Variants in DNM1 observed in about 807,000 individuals in gnomAD.
The protein encoded by DNM1 is dynamin-1.
In DNM1, 29 loss-of-function variants were observed where a neutral mutation model predicts 104.6. The observed-to-expected ratio is 0.28, with a 90% CI of 0.21 to 0.38. The LOEUF is 0.38. Ranked by LOEUF, DNM1 falls within the 10% of genes least tolerant of loss-of-function variation. The probability of loss-of-function intolerance (pLI) is 1.00; values close to 1 mark genes in which losing one functional copy is unlikely to be tolerated. For missense variants in DNM1, 640 were observed against 1,189.4 expected (o/e 0.54, Z 6.79); for synonymous variants, 445 against 475.8 (o/e 0.94, Z 0.84).
chr9:128,231,968 A>G (rs1320553258), intron 10 of DNM1: 1 of 456,316 alleles, frequency 2.2e-6, no homozygotes, highest in South Asian at 1.5e-5. Flanking sequence ...CTGAGAGGGG[A>G]ACGTTCCTTT....
chr9:128,219,355 A>T, intron 4 of DNM1, 103 bp downstream of exon 4: 1 of 1,051,880 alleles, frequency 9.5e-7, no homozygotes, highest in South Asian at 1.4e-5. Context: ...TAGCGGTGGG[A>T]TCAGATTTGT....
At chr9:128,239,630 T>G in intron 12 of DNM1, 98 bp from the exon 13 acceptor site, 1 of 1,334,038 alleles carries the variant, frequency 7.5e-7, no homozygotes, top group Non-Finnish European at 1.1e-6. Flanking sequence ...AGCCCAGGTC[T>G]GCTAGGTTAA....
rs1835188608 is a variant in DNM1 at position 128,224,078 on chromosome 9, C to T, written c.1197-173C>T. 1 of 762,884 alleles carries T rather than the reference C, an allele frequency of 1.3e-6. No individual in the cohort carries two copies. Among genetic ancestry groups the T allele is most frequent in the Non-Finnish European group, 2.0e-6 (1 of 507,978 alleles). 47.3% of individuals were successfully genotyped at this position (762,884 alleles called of 1,614,324 possible). A position where few individuals can be genotyped will look rare whatever the true frequency, so the allele number is the denominator to read the frequency against. Reference sequence around the variant, plus strand: ...AAAATAACAACAACAACAAAAAACCCTTCATTAGAACCCCTCCCTCCCATT... The same window carrying T: ...AAAATAACAACAACAACAAAAAACCTTTCATTAGAACCCCTCCCTCCCATT... On this transcript the variant is annotated intron_variant, in intron 9 of 21. Coordinates refer to ENST00000372923, the MANE Select transcript of DNM1 (RefSeq NM_004408.4). This position sits in a 1 kb window ranked among gnomAD's most constrained non-coding sequence, Gnocchi z 4.3.
chr9:128,223,633 T>C (rs1377919894), intron 9 of DNM1: 1 of 152,270 alleles, frequency 6.6e-6, no homozygotes, highest in African/African-American at 2.4e-5. Context: ...AAGGCTCTTA[T>C]GGAGAACCAC....
chr9:128,221,569 C>A (rs1835022659), intron 6 of DNM1, among the ~76,000 whole-genome samples: 1 of 152,126 alleles, frequency 6.6e-6, no homozygotes, highest in Non-Finnish European at 1.5e-5. Context: ...AGGGGCAGCC[C>A]TCTGGCCACC....
At chr9:128,214,799 G>T (rs927506375) in intron 1 of DNM1, among the ~76,000 whole-genome samples, 1 of 152,208 alleles carries the variant, frequency 6.6e-6, no homozygotes, top group Non-Finnish European at 1.5e-5. Flanking sequence ...CCCCTCCCAC[G>T]CTGGGCACAG....
rs781036543 is a variant in DNM1 at position 128,222,362 on chromosome 9, C to T, written c.992+23C>T. 19 of 1,609,416 alleles carry T rather than the reference C, an allele frequency of 1.2e-5. No homozygotes were observed. The highest frequency in any genetic ancestry group is 1.7e-4 in the Middle Eastern group (1 of 6,030). On this transcript the variant is annotated intron_variant, in intron 7 of 21. Transcript: ENST00000372923. The surrounding 1 kb of genome is among the most constrained non-coding windows in gnomAD (Gnocchi z 7.8). ...GCAGTGAGGCTCCCCCAGCTCCTAT[C>T]ACTGAATCCCCGCCCCCAGCCTCTC...
intron 10 of DNM1, among the ~76,000 whole-genome samples, chr9:128,228,577 A>T (rs1412523783): frequency 2.0e-5 from 3 of 152,242 alleles, no homozygotes; most frequent in Admixed American, 1.3e-4. Flanking sequence ...TTAAATGTTT[A>T]TATCTAGTAA....
chr9:128,231,954 A>G, intron 10 of DNM1: 1 of 455,698 alleles, frequency 2.2e-6, no homozygotes, highest in Non-Finnish European at 4.4e-6. Flanking sequence ...CCCTCAGCCA[A>G]GGGCTGAGAG....
At chr9:128,233,850 G>A (rs1199622762) in intron 10 of DNM1, 171 bp from the exon 11 acceptor site, 4 of 613,748 alleles carry the variant, frequency 6.5e-6, no homozygotes, top group African/African-American at 1.9e-5. Context: ...AGGGGTGGCC[G>A]TGGCTTGGTG....
intron 10 of DNM1, among the ~76,000 whole-genome samples, chr9:128,230,433 C>A (rs3003577): frequency 0.8 from 119,383 of 148,892 alleles, 47,988 homozygotes; most frequent in East Asian, 1. Flanking sequence ...TTATTTATTT[C>A]TTTATTTATT....
intron 1 of DNM1, among the ~76,000 whole-genome samples, chr9:128,207,379 G>A (rs1287603286): frequency 6.6e-6 from 1 of 151,840 alleles, no homozygotes; most frequent in Non-Finnish European, 1.5e-5. Flanking sequence ...TGTAGATGGG[G>A]GAGTGTTTGT....
At chr9:128,237,412 C>A (rs1342488453) in intron 11 of DNM1, among the ~76,000 whole-genome samples, 1 of 152,060 alleles carries the variant, frequency 6.6e-6, no homozygotes, top group Non-Finnish European at 1.5e-5. Context: ...CAGGTGCATG[C>A]CACCATGCCC....
In DNM1 at chr9:128,253,756, GAC is replaced by G; in HGVS notation, c.2535-892_2535-891del. On this transcript the variant is annotated intron_variant, in intron 21 of 21. Transcript: ENST00000372923. This position sits in a 1 kb window ranked among gnomAD's most constrained non-coding sequence, Gnocchi z 5.9. ...CGACATACCTCACAGGCCAGGCAGG[GAC>G]ACACAGCCCCCTTCCCTCCCTCCCA... The G allele has an allele frequency of 2.6e-6, 1 of 391,450 alleles. No individual in the cohort carries two copies. The allele number at this position is 391,450 out of a possible 1,614,324, so 24.2% of individuals were successfully genotyped here. A position where few individuals can be genotyped will look rare whatever the true frequency, so the allele number is the denominator to read the frequency against.
rs762553379 is a variant in DNM1, at chr9:128,234,093, C to T, written c.1408C>T (p.Arg470Cys). 10 of 1,564,638 alleles carry T rather than the reference C, an allele frequency of 6.4e-6. No individual in the cohort carries two copies. Among genetic ancestry groups the T allele is most frequent in the Admixed American group, 1.9e-5 (1 of 53,302 alleles). ...VTTHIREREG[R>C]TKEQVMLLID... ...CACCCACATCCGGGAGCGCGAGGGC[C>T]GCACTAAGGAGCAGGTGAGCCCCGC... The change falls in exon 11 of 22, where the codon CGC becomes TGC. Residue 470 changes from arginine to cysteine, a missense_variant. By Grantham distance (180) the Arg-to-Cys change is radical. Transcript: ENST00000372923.
chr9:128,209,277 C>G (rs1421536987), intron 1 of DNM1, among the ~76,000 whole-genome samples: 1 of 152,152 alleles, frequency 6.6e-6, no homozygotes, highest in Non-Finnish European at 1.5e-5. Flanking sequence ...CCCAGAGGAG[C>G]TGGGAGTGAA....
Position 128,248,560 on chromosome 9 carries a change from T to C in DNM1, c.1906-23T>C. 1.2e-6 allele frequency: 2 copies of C among 1,606,072 alleles called. No homozygotes were observed. The highest frequency in any genetic ancestry group is 1.3e-5 in the African/African-American group (1 of 74,908). On this transcript the variant is annotated intron_variant, in intron 18 of 21. Transcript: ENST00000372923. The surrounding 1 kb of genome is among the most constrained non-coding windows in gnomAD (Gnocchi z 5.6). ...CTGGCTGCATGGCCTGGCCACCTGA[T>C]GCCCTTGTGTTCTCCATGGCAGGCC...
rs1023683986 is a variant in DNM1, at chr9:128,224,834, A to G, written c.1335+445A>G. ...GCCTGGGTGGCCAGAGGGGGTGCAG[A>G]GGACCCAGGACTAGCAGGTGCCCTG... On this transcript the variant is annotated intron_variant, in intron 10 of 21. Coordinates refer to ENST00000372923, the MANE Select transcript of DNM1 (RefSeq NM_004408.4). This position sits in a 1 kb window ranked among gnomAD's most constrained non-coding sequence, Gnocchi z 4.3. Among the ~76,000 whole-genome samples, 2 of 152,118 alleles carry G rather than the reference A, an allele frequency of 1.3e-5. No individual in the cohort carries two copies. The highest frequency in any genetic ancestry group is 2.4e-5 in the African/African-American group (1 of 41,398).
At position 128,254,434 on chromosome 9, in the gene DNM1, GCTAT is replaced by G. The variant is rs1829723528; in HGVS notation, c.2535-217_2535-214del. ...GGGAGGGCCGCCACAGCCCCCAGGCGCTATCTGTGAAGCTACGGCTCCTCCCTCC... is the reference window on the plus strand; with the variant it reads ...GGGAGGGCCGCCACAGCCCCCAGGCGCTGTGAAGCTACGGCTCCTCCCTCC... On this transcript the variant is annotated intron_variant, in intron 21 of 21. Transcript: ENST00000372923. This position sits in a 1 kb window ranked among gnomAD's most constrained non-coding sequence, Gnocchi z 6.1. The G allele has an allele frequency of 2.8e-6, 4 of 1,453,940 alleles. No individual in the cohort carries two copies. Among genetic ancestry groups the G allele is most frequent in the East Asian group, 2.6e-5 (1 of 39,164 alleles). 90.1% of individuals were successfully genotyped at this position (1,453,940 alleles called of 1,614,324 possible). A position where few individuals can be genotyped will look rare whatever the true frequency, so the allele number is the denominator to read the frequency against.
Sources: gnomAD v4.1 joint callset for allele counts (sites outside exome capture counted in the v4.1 genomes callset) on GRCh38, gnomAD v4.1.1 for gene constraint, Gnocchi (gnomAD v3.1) non-coding constraint, MANE v1.5 for transcripts, NCBI Gene and HGNC (gene_info 2026-07-23, HGNC 2026-07-21) for gene names.